The following CBX2 variants were observed in gnomAD, a reference collection of about 807,000 sequenced individuals.
CBX2 encodes the protein chromobox 2.
A neutral mutation model predicts 21.0 loss-of-function variants in CBX2; 11 were observed. The observed-to-expected ratio is 0.52, with a 90% CI of 0.33 to 0.87. The LOEUF is 0.87. Among genes scored for constraint, CBX2 ranks in the 40% least tolerant of loss-of-function variants. CBX2 has a pLI of 0.02. For synonymous variants in CBX2, 364 were observed against 304.6 expected (o/e 1.19, Z -2.03); for missense variants, 746 against 724.3 (o/e 1.03, Z -0.34).
intron 4 of CBX2, chr17:79,782,655 G>A (rs1158540927): frequency 2.1e-5 from 6 of 281,996 alleles, no homozygotes; most frequent in South Asian, 1.2e-4. Context: ...CTGGCCTTAC[G>A]TTATCTTGAA....
intron 4 of CBX2, chr17:79,782,560 C>G (rs1228530744): frequency 3.0e-6 from 3 of 1,005,198 alleles, no homozygotes; most frequent in Non-Finnish European, 1.2e-6. Flanking sequence ...GCCACGAGCT[C>G]AGTCACTAAC....
Position 79,784,728 on chromosome 17 carries a change from G to T in CBX2, c.1285G>T (p.Asp429Tyr), listed in dbSNP as rs1555831335. The T allele has an allele frequency of 6.2e-7, 1 of 1,611,602 alleles. No individual in the cohort carries two copies. The highest frequency in any genetic ancestry group is 8.5e-7 in the Non-Finnish European group (1 of 1,179,414). Residue 429 changes from aspartate to tyrosine, a missense_variant, in exon 5 of 5, where the codon GAC becomes TAC. Asp to Tyr is a radical substitution (Grantham distance 160). Coordinates refer to ENST00000310942, the MANE Select transcript of CBX2 (RefSeq NM_005189.3). This position sits in a 1 kb window ranked among gnomAD's most constrained non-coding sequence, Gnocchi z 5.9. ...GCCACCCACCCCTGCCAGCAAGAGG[G>T]ACTGTGTCAAGGGCAGTGCTACCCC... ...VAPPTPASKR[D>Y]CVKGSATPSG... is the part of the protein sequence containing the mutation.
At chr17:79,782,140 C>G in intron 4 of CBX2, 3 of 1,612,888 alleles carry the variant, frequency 1.9e-6, no homozygotes, top group East Asian at 4.5e-5. Flanking sequence ...AGGAAGCATG[C>G]GTACAGTAGG....
In CBX2 at chr17:79,778,412, G is replaced by T. The variant is rs1181877415; in HGVS notation, c.101G>T (p.Arg34Leu). ...KGKLEYLVKWRGWSSKHNSWE... is the reference protein window; with the variant it reads ...KGKLEYLVKWLGWSSKHNSWE... ...AAGCTGGAGTACCTGGTCAAGTGGC[G>T]CGGCTGGTCCTCCAAGTGAGTCCCC... The change falls in exon 2 of 5, where the codon CGC (arginine) becomes CTC (leucine). Residue 34 changes from arginine (R) to leucine (L), a missense_variant. Arg to Leu is a moderately radical substitution (Grantham distance 102). Transcript: ENST00000310942. This position sits in a 1 kb window ranked among gnomAD's most constrained non-coding sequence, Gnocchi z 4.8. 6.4e-7 allele frequency: 1 copy of T among 1,572,300 alleles called. No individual in the cohort carries two copies. Among genetic ancestry groups the T allele is most frequent in the South Asian group, 1.1e-5 (1 of 87,546 alleles).
rs782744985 is a variant in CBX2 at position 79,783,737 on chromosome 17, C to T, written c.294C>T (p.Pro98=). 7.1e-6 allele frequency: 11 copies of T among 1,552,020 alleles called. No homozygotes were observed. The highest frequency in any genetic ancestry group is 3.9e-5 in the Admixed American group (2 of 51,030). Residue 98 remains proline, a synonymous_variant, in exon 5 of 5, where the codon CCC becomes CCT. Coordinates refer to ENST00000310942, the MANE Select transcript of CBX2 (RefSeq NM_005189.3). The part of the protein sequence containing the change: ...SCSRRSKLKE[P]DAPSKSKSSS... ...CTTCTCCTTTATCTTTCCAGGAACC[C>T]GATGCTCCCTCCAAATCCAAGTCCA...
upstream of CBX2, among the ~76,000 whole-genome samples, chr17:79,777,561 G>A (rs886776146): frequency 3.9e-5 from 6 of 152,142 alleles, no homozygotes; most frequent in Admixed American, 3.3e-4. Flanking sequence ...CGGCTGCTGG[G>A]GTTTGTGGGC....
Position 79,784,243 on chromosome 17 carries a change from A to G in CBX2, c.800A>G (p.Gln267Arg), listed in dbSNP as rs1436005551. The G allele has an allele frequency of 5.0e-6, 8 of 1,612,960 alleles. No individual in the cohort carries two copies. Among genetic ancestry groups the G allele is most frequent in the Non-Finnish European group, 6.8e-6 (8 of 1,179,898 alleles). The change falls in exon 5 of 5, where the codon CAG becomes CGG. Residue 267 changes from glutamine (Q) to arginine (R), a missense_variant. Transcript: ENST00000310942. The surrounding 1 kb of genome is among the most constrained non-coding windows in gnomAD (Gnocchi z 5.9). ...TACATGAACCGGATGACCCAGAGCC[A>G]GGCCCAGGCTGCCAGCAGGTTGGCG... ...VHYMNRMTQS[Q>R]AQAASRLALK...
upstream of CBX2, among the ~76,000 whole-genome samples, chr17:79,777,948 G>A (rs1906841372): frequency 7.0e-6 from 1 of 142,792 alleles, no homozygotes; most frequent in South Asian, 2.1e-4. Flanking sequence ...CCCGCCCGGG[G>A]CCCCGCGCGG....
In CBX2 at chr17:79,784,377, C is replaced by G. The variant is rs1907468349; in HGVS notation, c.934C>G (p.Pro312Ala). The G allele has an allele frequency of 6.2e-7, 1 of 1,612,788 alleles. No homozygotes were observed. The highest frequency in any genetic ancestry group is 8.5e-7 in the Non-Finnish European group (1 of 1,179,776). The change falls in exon 5 of 5, where the codon CCC becomes GCC. Residue 312 changes from proline to alanine, a missense_variant. Physicochemically the swap from Pro to Ala is conservative, Grantham distance 27. Around this residue, in one of 2 missense-constraint regions of CBX2, gnomAD observed 701 missense variants for 650.7 expected, o/e 1.08. Coordinates refer to ENST00000310942, the MANE Select transcript of CBX2 (RefSeq NM_005189.3). The surrounding 1 kb of genome is among the most constrained non-coding windows in gnomAD (Gnocchi z 5.9). Reference sequence around the variant, plus strand: ...TCCAGGAAGCAAAATCCCGAAGGCCCCCAGCGGTGGGGCTGTGGAGCAGAA... The same window carrying G: ...TCCAGGAAGCAAAATCCCGAAGGCCGCCAGCGGTGGGGCTGTGGAGCAGAA... ...SPPGSKIPKA[P>A]SGGAVEQKVG...
rs376434485 is a variant in CBX2 at position 79,784,032 on chromosome 17, G to C, written c.589G>C (p.Ala197Pro). The part of the protein sequence containing the change: ...KTARKDLGAP[A>P]SKLPPPLSAP... The stretch of plus-strand genomic sequence containing the variant: ...CGCCCGGAAGGATCTGGGGGCCCCG[G>C]CCAGCAAGCTGCCCCCTCCACTCAG... The change falls in exon 5 of 5, where the codon GCC (alanine) becomes CCC (proline). Residue 197 changes from alanine to proline, a missense_variant. Ala to Pro is a conservative substitution (Grantham distance 27, BLOSUM62 -1). Transcript: ENST00000310942. This position sits in a 1 kb window ranked among gnomAD's most constrained non-coding sequence, Gnocchi z 5.9. 1 of 1,612,958 alleles carries C rather than the reference G, an allele frequency of 6.2e-7. No individual in the cohort carries two copies. Among genetic ancestry groups the C allele is most frequent in the South Asian group, 1.1e-5 (1 of 91,082 alleles).
In CBX2 at chr17:79,781,769, A is replaced by G. The variant is rs1274721708; in HGVS notation, c.256A>G (p.Met86Val). The stretch of plus-strand genomic sequence containing the variant: ...AGGCCGGCCAAGGAAGCTCACTGCC[A>G]TGTCCTCCTGCAGCCGGCGCTCCAA... ...PRGRPRKLTA[M>V]SSCSRRSKLK... is the part of the protein sequence containing the mutation. Residue 86 changes from methionine (M) to valine (V), a missense_variant, in exon 4 of 5, where the codon ATG becomes GTG. Met to Val is a conservative substitution (Grantham distance 21). Around this residue, in one of 2 missense-constraint regions of CBX2, gnomAD observed 701 missense variants for 650.7 expected, o/e 1.08. Transcript: ENST00000310942. 5.0e-6 allele frequency: 8 copies of G among 1,613,992 alleles called. No individual in the cohort carries two copies. The highest frequency in any genetic ancestry group is 4.5e-5 in the East Asian group (2 of 44,872).
chr17:79,780,947 G>A lies in CBX2; in HGVS notation c.183-749G>A, dbSNP rs368037272. Reference sequence around the variant, plus strand: ...GTTGCCTTCCAGGCCCCAATGAGATGATGTTTGCCCAGATAATTACCAGGG... The same window carrying A: ...GTTGCCTTCCAGGCCCCAATGAGATAATGTTTGCCCAGATAATTACCAGGG... On this transcript the variant is annotated intron_variant, in intron 3 of 4. Coordinates refer to ENST00000310942, the MANE Select transcript of CBX2 (RefSeq NM_005189.3). 4.1e-4 allele frequency among the ~76,000 whole-genome samples: 63 copies of A among 152,110 alleles called. No individual in the cohort carries two copies. The Middle Eastern group carries it at 0.01, about 25-fold the overall frequency.
Position 79,784,791 on chromosome 17 carries a change from C to T in CBX2, c.1348C>T (p.Arg450Cys), listed in dbSNP as rs782732296. 15 of 1,610,240 alleles carry T rather than the reference C, an allele frequency of 9.3e-6. No individual in the cohort carries two copies. Among genetic ancestry groups the T allele is most frequent in the Non-Finnish European group, 1.0e-5 (12 of 1,178,742 alleles). Residue 450 changes from arginine (R) to cysteine (C), a missense_variant, in exon 5 of 5, where the codon CGC becomes TGC. By Grantham distance (180) the Arg-to-Cys change is radical (BLOSUM62 -3). Transcript: ENST00000310942. The surrounding 1 kb of genome is among the most constrained non-coding windows in gnomAD (Gnocchi z 5.9). The stretch of plus-strand genomic sequence containing the variant: ...GAGCCGCACAGCCCCCGGAGAAGCC[C>T]GCAAGGCGGCCACACTGCCAGAGAT... ...QESRTAPGEA[R>C]KAATLPEMSA... is the part of the protein sequence containing the mutation.
In CBX2 at chr17:79,785,371, G is replaced by C. The variant is rs1307866425; in HGVS notation, c.*329G>C. ...ACAGAGCGGGCTTCTTCATGGCTGCGTTGTTGCTGAGTTTGAACTGCTCCT... is the reference window on the plus strand; with the variant it reads ...ACAGAGCGGGCTTCTTCATGGCTGCCTTGTTGCTGAGTTTGAACTGCTCCT... On this transcript the variant is annotated 3_prime_UTR_variant, in exon 5 of 5. Transcript: ENST00000310942. 2.4e-6 allele frequency: 1 copy of C among 413,844 alleles called. No homozygotes were observed. The highest frequency in any genetic ancestry group is 2.0e-5 in the African/African-American group (1 of 49,796). 25.6% of individuals were successfully genotyped at this position (413,844 alleles called of 1,614,324 possible).
At position 79,783,962 on chromosome 17, in the gene CBX2, A is replaced by G. The variant is rs782561666; in HGVS notation, c.519A>G (p.Gln173=). 12 of 1,613,822 alleles carry G rather than the reference A, an allele frequency of 7.4e-6. No homozygotes were observed. Among genetic ancestry groups the G allele is most frequent in the Non-Finnish European group, 1.0e-5 (12 of 1,180,026 alleles). ...KRGRKPLPPE[Q]KATRRPVSLA... The stretch of plus-strand genomic sequence containing the variant: ...GACGAAAGCCCCTGCCCCCAGAGCA[A>G]AAGGCAACCCGAAGACCCGTGAGCC... Residue 173 remains glutamine (Q), a synonymous_variant, in exon 5 of 5, where the codon CAA becomes CAG. Transcript: ENST00000310942.
intron 4 of CBX2, chr17:79,782,369 T>G: frequency 7.0e-7 from 1 of 1,428,734 alleles, no homozygotes; most frequent in Non-Finnish European, 9.2e-7. Flanking sequence ...CCCTCCTCGC[T>G]ACAGTGATGG....
intron 4 of CBX2, 124 bp from the exon 5 acceptor site, chr17:79,783,608 C>G: frequency 1.2e-6 from 1 of 823,170 alleles, no homozygotes; most frequent in South Asian, 1.5e-5. Context: ...CAGGGCTCCA[C>G]TATGTTGGCC....
rs1555831243 is a variant in CBX2 at position 79,784,476 on chromosome 17, C to T, written c.1033C>T (p.Pro345Ser). 4.3e-6 allele frequency: 7 copies of T among 1,612,500 alleles called. No homozygotes were observed. The highest frequency in any genetic ancestry group is 5.1e-6 in the Non-Finnish European group (6 of 1,179,870). ...GCCTGCTGGGTGCCCAGGCCCCCAG[C>T]CAGCACCCACCCAGGAGCTGAGCCT... ...RVPAGCPGPQ[P>S]APTQELSLQV... Residue 345 changes from proline to serine, a missense_variant, in exon 5 of 5, where the codon CCA becomes TCA. By Grantham distance (74) the Pro-to-Ser change is moderately conservative. Transcript: ENST00000310942. The surrounding 1 kb of genome is among the most constrained non-coding windows in gnomAD (Gnocchi z 5.9).
intron 4 of CBX2, 54 bp downstream of exon 4, chr17:79,781,855 AGG>A (rs781941806): frequency 6.2e-7 from 1 of 1,614,048 alleles, no homozygotes; most frequent in Admixed American, 1.7e-5. Context: ...CCCTTGGCGT[AGG>A]GGGCAGGCAG....
Sources: gnomAD v4.1 joint callset for allele counts (sites outside exome capture counted in the v4.1 genomes callset) on GRCh38, gnomAD v4.1.1 for gene constraint, gnomAD v4.1.1 regional missense constraint, Gnocchi (gnomAD v3.1) non-coding constraint, MANE v1.5 for transcripts, NCBI Gene and HGNC (gene_info 2026-07-23, HGNC 2026-07-21) for gene names.